PRKN: variants seen among roughly 807,000 people sequenced by gnomAD.
PRKN encodes the protein parkin RBR E3 ubiquitin protein ligase.
Under a neutral mutation model 59.5 loss-of-function variants are expected in PRKN, and 56 were observed. The observed-to-expected ratio is 0.94, with a 90% CI of 0.76 to 1.18. The LOEUF (loss-of-function observed/expected upper bound fraction) is 1.18. Among genes scored for constraint, PRKN ranks in the 50% most tolerant of loss-of-function variants. The pLI, the probability that PRKN is intolerant of heterozygous loss-of-function variation, is 0.00. For synonymous variants in PRKN, 250 were observed against 222.1 expected (o/e 1.13, Z -1.12); for missense variants, 657 against 596.4 (o/e 1.10, Z -1.06).
intron 7 of PRKN, among the ~76,000 whole-genome samples, chr6:161,606,114 T>A (rs1782272612): frequency 6.6e-6 from 1 of 152,160 alleles, no homozygotes; most frequent in Non-Finnish European, 1.5e-5. Context: ...ATCCCAAAGG[T>A]CTGGGGGAGC....
chr6:161,656,814 C>T (rs1363498787), intron 7 of PRKN, among the ~76,000 whole-genome samples: 1 of 152,164 alleles, frequency 6.6e-6, no homozygotes, highest in Non-Finnish European at 1.5e-5. Context: ...GATTTGTTCT[C>T]ATGTTTATTG....
In PRKN at chr6:161,754,078, A is replaced by T. The variant is rs145265705; in HGVS notation, c.871+31694T>A. ...TTGTGTAATTATCTCCAGCTCTGCA[A>T]AGTGGACATTCATGTGGGGTTCAGA... On this transcript the variant is annotated intron_variant, in intron 7 of 11. Coordinates refer to ENST00000366898, the MANE Select transcript of PRKN (RefSeq NM_004562.3). Among the ~76,000 whole-genome samples the T allele has an allele frequency of 3.9e-5, 6 of 152,220 alleles. No individual in the cohort carries two copies. The East Asian group carries it at 9.7e-4, about 25-fold the overall frequency.
At chr6:162,501,532 T>TA (rs1019488406) in intron 1 of PRKN, among the ~76,000 whole-genome samples, 1 of 146,780 alleles carries the variant, frequency 6.8e-6, no homozygotes, top group Non-Finnish European at 1.5e-5. Context: ...TTTTTTTTTT[T>TA]ATTAGTAGAG....
At chr6:161,974,778 C>T (rs1780960549) in intron 5 of PRKN, among the ~76,000 whole-genome samples, 1 of 152,184 alleles carries the variant, frequency 6.6e-6, no homozygotes, top group Non-Finnish European at 1.5e-5. Flanking sequence ...GAAGGATTTT[C>T]CCTTAAAACA....
At chr6:162,463,479 C>T (rs1174457748) in intron 1 of PRKN, among the ~76,000 whole-genome samples, 1 of 152,192 alleles carries the variant, frequency 6.6e-6, no homozygotes, top group Non-Finnish European at 1.5e-5. Flanking sequence ...AAGGTAGTGT[C>T]TTCCTCTGGA....
At chr6:162,516,136 G>A (rs1777844740) in intron 1 of PRKN, among the ~76,000 whole-genome samples, 1 of 152,158 alleles carries the variant, frequency 6.6e-6, no homozygotes, top group South Asian at 2.1e-4. Context: ...ATCCTTCTCT[G>A]ATCCTTCCCT....
intron 1 of PRKN, among the ~76,000 whole-genome samples, chr6:162,536,115 GCCAAA>G (rs1487607116): frequency 3.3e-5 from 5 of 151,992 alleles, no homozygotes; most frequent in Admixed American, 2.6e-4. Flanking sequence ...ACAACTTAAG[GCCAAA>G]CCAAAGAGCC....
At chr6:162,682,045 T>TCATATA (rs1779791769) in intron 1 of PRKN, among the ~76,000 whole-genome samples, 1 of 152,160 alleles carries the variant, frequency 6.6e-6, no homozygotes, top group Non-Finnish European at 1.5e-5. Flanking sequence ...CTATACATAT[T>TCATATA]CATATACATA....
chr6:162,141,423 A>T (rs1781776685), intron 4 of PRKN, among the ~76,000 whole-genome samples: 1 of 152,212 alleles, frequency 6.6e-6, no homozygotes. Context: ...TATATTTGGA[A>T]TACTTCAACT....
rs139171458 is a variant in PRKN at position 162,693,214 on chromosome 6, T to C, written c.7+34448A>G. 6.6e-4 allele frequency among the ~76,000 whole-genome samples: 101 copies of C among 152,304 alleles called. No homozygotes were observed. The East Asian group carries it at 9.7e-3, about 15-fold the overall frequency. On this transcript the variant is annotated intron_variant, in intron 1 of 11. Coordinates refer to ENST00000366898, the MANE Select transcript of PRKN (RefSeq NM_004562.3). ...CTCACAAATTCAACTGTATAAGATG[T>C]ATGTGCCCAGCAGGGTCGTGCCTGA...
chr6:162,714,809 A>C (rs1778663027), intron 1 of PRKN, among the ~76,000 whole-genome samples: 1 of 152,200 alleles, frequency 6.6e-6, no homozygotes, highest in Admixed American at 6.5e-5. Flanking sequence ...AAAAGAGACA[A>C]AGCATCTACG....
chr6:161,373,970 G>T lies in PRKN; in HGVS notation c.1167+12824C>A, dbSNP rs1427380613. On this transcript the variant is annotated intron_variant, in intron 10 of 11. Transcript: ENST00000366898. The surrounding 1 kb of genome is among the most constrained non-coding windows in gnomAD (Gnocchi z 4.8). ...CGTGGCTGGGGTGCCTTTCAAAGTGGCGTTCACTCCCTTTTCCCCCAGGTC... is the reference window on the plus strand; with the variant it reads ...CGTGGCTGGGGTGCCTTTCAAAGTGTCGTTCACTCCCTTTTCCCCCAGGTC... Among the ~76,000 whole-genome samples the T allele has an allele frequency of 6.6e-6, 1 of 152,134 alleles. No homozygotes were observed. The highest frequency in any genetic ancestry group is 1.5e-5 in the Non-Finnish European group (1 of 68,022).
intron 2 of PRKN, among the ~76,000 whole-genome samples, chr6:162,402,923 A>G (rs1188290973): frequency 2.1e-4 from 32 of 152,170 alleles, no homozygotes; most frequent in Admixed American, 2.1e-3. Context: ...GGTTACAGGC[A>G]TGAGCCACTC....
chr6:162,565,856 T>C (rs1780053681), intron 1 of PRKN, among the ~76,000 whole-genome samples: 1 of 151,994 alleles, frequency 6.6e-6, no homozygotes, highest in Non-Finnish European at 1.5e-5. Context: ...ACTATAAAGA[T>C]CCACATAGAT....
intron 1 of PRKN, among the ~76,000 whole-genome samples, chr6:162,700,812 T>C (rs1435123163): frequency 2.0e-5 from 3 of 152,044 alleles, no homozygotes; most frequent in African/African-American, 7.2e-5. Context: ...AAAAGCACTA[T>C]AAAAGCACTT....
At chr6:161,683,620 G>A (rs1424352807) in intron 7 of PRKN, among the ~76,000 whole-genome samples, 1 of 152,204 alleles carries the variant, frequency 6.6e-6, no homozygotes. Flanking sequence ...CCTGACAGGA[G>A]CACCTGTGCT....
chr6:161,748,369 T>C (rs1788526000), intron 7 of PRKN, among the ~76,000 whole-genome samples: 1 of 152,010 alleles, frequency 6.6e-6, no homozygotes, highest in Non-Finnish European at 1.5e-5. Context: ...TTTTTGTCTG[T>C]GTACCACAAA....
At chr6:161,942,738 A>C (rs922392123) in intron 6 of PRKN, among the ~76,000 whole-genome samples, 1 of 152,180 alleles carries the variant, frequency 6.6e-6, no homozygotes, top group Non-Finnish European at 1.5e-5. Flanking sequence ...AAGACTGTTC[A>C]TATCATTTAT....
In PRKN at chr6:161,347,621, T is replaced by TG. The variant is rs1202112327; in HGVS notation, c.*2477_*2478insC. 6.9e-6 allele frequency: 1 copy of TG among 144,212 alleles called. No individual in the cohort carries two copies. The highest frequency in any genetic ancestry group is 1.5e-5 in the Non-Finnish European group (1 of 65,918). The allele number at this position is 144,212 out of a possible 1,614,324, so 8.9% of individuals were successfully genotyped here. ...GATGATCTTGCTTTTTTGTTTTTGT[T>TG]TTTTTTTTTTTTTTGAGACAGAGTC... is the stretch of plus-strand genomic sequence containing the variant. On this transcript the variant is annotated 3_prime_UTR_variant, in exon 12 of 12. Transcript: ENST00000366898.
Sources: allele counts gnomAD v4.1 joint callset (sites outside exome capture counted in the v4.1 genomes callset), GRCh38; gene constraint gnomAD v4.1.1; non-coding constraint Gnocchi (gnomAD v3.1); transcripts MANE v1.5; gene names NCBI Gene and HGNC (gene_info 2026-07-23, HGNC 2026-07-21).